The following CCDC85A variants were observed in gnomAD, a reference collection of about 807,000 sequenced individuals.
The protein encoded by CCDC85A is coiled-coil domain containing 85A.
CCDC85A carries 38 observed loss-of-function variants against 50.2 expected under a neutral mutation model. The ratio of observed to expected loss-of-function variants is 0.76; its 90% confidence interval spans 0.58 to 0.99. The LOEUF is 0.99. Ranked by LOEUF, CCDC85A falls within the 50% of genes least tolerant of loss-of-function variation. The probability of loss-of-function intolerance (pLI) is 0.00; values close to 1 mark genes in which losing one functional copy is unlikely to be tolerated. For missense variants in CCDC85A, 820 were observed against 742.0 expected, an observed-to-expected ratio of 1.11 and a Z score of -1.22; for synonymous variants, 366 against 301.4, an observed-to-expected ratio of 1.21 and a Z score of -2.22.
chr2:56,362,642 G>A (rs551414900), intron 3 of CCDC85A, among the ~76,000 whole-genome samples: 1 of 151,780 alleles, frequency 6.6e-6, no homozygotes, highest in Admixed American at 6.6e-5. Context: ...GTTGCCCAGT[G>A]AAGTCTCGCT....
chr2:56,283,000 G>T (rs558995506), intron 2 of CCDC85A, among the ~76,000 whole-genome samples: 2 of 151,608 alleles, frequency 1.3e-5, no homozygotes, highest in Non-Finnish European at 2.9e-5. Flanking sequence ...TTTATATATT[G>T]ACCTTGTATC....
chr2:56,248,889 G>A (rs956145774), intron 2 of CCDC85A, among the ~76,000 whole-genome samples: 2 of 152,168 alleles, frequency 1.3e-5, no homozygotes, highest in Non-Finnish European at 2.9e-5. Flanking sequence ...ATGTCAGATA[G>A]TATGATGCCA....
At position 56,214,334 on chromosome 2, in the gene CCDC85A, T is replaced by C. The variant is rs76610560; in HGVS notation, c.1240+20894T>C. ...AGTCAATGTGTGTAAAGCATTTAGA[T>C]TGATACCTGTGCACAGTAAGTGCTG... On this transcript the variant is annotated intron_variant, in intron 2 of 5. Transcript: ENST00000407595. 6.3e-3 allele frequency among the ~76,000 whole-genome samples: 954 copies of C among 152,080 alleles called. 10 individuals carry two copies. The highest frequency in any genetic ancestry group is 0.021 in the African/African-American group (877 of 41,538).
intron 2 of CCDC85A, among the ~76,000 whole-genome samples, chr2:56,274,950 A>G (rs763935978): frequency 2.6e-5 from 4 of 152,130 alleles, no homozygotes; most frequent in Non-Finnish European, 5.9e-5. Flanking sequence ...TGTGTGGGTT[A>G]AGAGAGAGAA....
chr2:56,357,838 C>G (rs1675315049), intron 3 of CCDC85A, among the ~76,000 whole-genome samples: 1 of 151,960 alleles, frequency 6.6e-6, no homozygotes, highest in South Asian at 2.1e-4. Context: ...ATATGGAGAC[C>G]CAGTGTGTCA....
intron 2 of CCDC85A, among the ~76,000 whole-genome samples, chr2:56,278,825 G>A (rs778969483): frequency 3.0e-4 from 46 of 152,238 alleles, no homozygotes; most frequent in Non-Finnish European, 5.7e-4. Flanking sequence ...AGCCCACCTC[G>A]GCCTTCCAAA....
At chr2:56,257,677 G>C (rs1334399690) in intron 2 of CCDC85A, among the ~76,000 whole-genome samples, 1 of 152,108 alleles carries the variant, frequency 6.6e-6, no homozygotes, top group Admixed American at 6.6e-5. Flanking sequence ...ACATTTAAAA[G>C]AAACTCAATC....
At position 56,343,883 on chromosome 2, in the gene CCDC85A, C is replaced by T. The variant is rs1436689494; in HGVS notation, c.1317+928C>T. On this transcript the variant is annotated intron_variant, in intron 3 of 5. Coordinates refer to ENST00000407595, the MANE Select transcript of CCDC85A (RefSeq NM_001080433.2). ...GGTATTTCAGGAGAAGAAATTTGAA[C>T]ATTAATGCAAAGACCCTTTAGAAAG... is the stretch of plus-strand genomic sequence containing the variant. Among the ~76,000 whole-genome samples the T allele has an allele frequency of 3.3e-5, 5 of 152,154 alleles. No individual in the cohort carries two copies. In the East Asian group the frequency reaches 9.6e-4, roughly 29 times the overall value.
chr2:56,275,361 A>G (rs531534216), intron 2 of CCDC85A, among the ~76,000 whole-genome samples: 64 of 152,346 alleles, frequency 4.2e-4, no homozygotes, highest in Non-Finnish European at 7.6e-4. Flanking sequence ...AATGGAGTAC[A>G]GTAGCTCAGT....
intron 3 of CCDC85A, among the ~76,000 whole-genome samples, chr2:56,364,064 A>ATT (rs1392773634): frequency 6.6e-6 from 1 of 152,208 alleles, no homozygotes; most frequent in Admixed American, 6.5e-5. Flanking sequence ...ATAGTTAATA[A>ATT]AAGTCAAGTA....
At chr2:56,260,403 G>A (rs183396537) in intron 2 of CCDC85A, among the ~76,000 whole-genome samples, 20 of 152,296 alleles carry the variant, frequency 1.3e-4, no homozygotes, top group Non-Finnish European at 1.3e-4. Context: ...TCAAGAAGAT[G>A]TTTGCCACTG....
At chr2:56,356,380 T>C (rs1272192073) in intron 3 of CCDC85A, among the ~76,000 whole-genome samples, 1 of 152,240 alleles carries the variant, frequency 6.6e-6, no homozygotes, top group Admixed American at 6.5e-5. Context: ...TTTTAATACA[T>C]GATTCTTTAA....
chr2:56,184,403 T>A lies in CCDC85A; in HGVS notation c.-222T>A. 1.9e-6 allele frequency: 1 copy of A among 513,820 alleles called. No homozygotes were observed. Among genetic ancestry groups the A allele is most frequent in the Non-Finnish European group, 2.9e-6 (1 of 349,336 alleles). The allele number at this position is 513,820 out of a possible 1,614,324, so 31.8% of individuals were successfully genotyped here. ...ACGGGCCTCGGCAGCAGCAAGCGGC[T>A]GGCTGCCGGGCCCTGGGGGAGCGCG... On this transcript the variant is annotated 5_prime_UTR_variant, in exon 1 of 6. Coordinates refer to ENST00000407595, the MANE Select transcript of CCDC85A (RefSeq NM_001080433.2).
chr2:56,368,137 G>A (rs948465812), intron 3 of CCDC85A, among the ~76,000 whole-genome samples: 2 of 152,104 alleles, frequency 1.3e-5, no homozygotes, highest in African/African-American at 4.8e-5. Context: ...CTAAATTAAT[G>A]TTTGTTAAGT....
chr2:56,279,257 T>A (rs1037947665), intron 2 of CCDC85A, among the ~76,000 whole-genome samples: 2 of 152,168 alleles, frequency 1.3e-5, no homozygotes, highest in Admixed American at 6.5e-5. Flanking sequence ...TTAAAAAAAA[T>A]TTTATGGAGT....
chr2:56,369,183 G>A (rs1675953413), intron 3 of CCDC85A, among the ~76,000 whole-genome samples: 2 of 152,056 alleles, frequency 1.3e-5, no homozygotes, highest in African/African-American at 4.8e-5. Context: ...ACACGACAGT[G>A]TAAAAAAGTT....
intron 2 of CCDC85A, among the ~76,000 whole-genome samples, chr2:56,251,917 T>A (rs968041886): frequency 6.6e-6 from 1 of 152,116 alleles, no homozygotes; most frequent in Non-Finnish European, 1.5e-5. Flanking sequence ...TTATTATTAT[T>A]ATACTTTAAG....
chr2:56,313,389 T>C (rs1558636174), intron 2 of CCDC85A, among the ~76,000 whole-genome samples: 1 of 152,178 alleles, frequency 6.6e-6, no homozygotes, highest in African/African-American at 2.4e-5. Flanking sequence ...AGGCCTTCAG[T>C]AAAGGTAATT....
intron 2 of CCDC85A, among the ~76,000 whole-genome samples, chr2:56,219,621 C>A (rs1668233429): frequency 6.6e-6 from 1 of 151,764 alleles, no homozygotes. Context: ...GCAAGTTTCA[C>A]CCCTGGATGC....
Sources: allele counts gnomAD v4.1 joint callset (sites outside exome capture counted in the v4.1 genomes callset), GRCh38; gene constraint gnomAD v4.1.1; transcripts MANE v1.5; gene names NCBI Gene and HGNC (gene_info 2026-07-23, HGNC 2026-07-21).